Variants in ADAMTS3 observed in about 807,000 individuals in gnomAD.
The protein encoded by ADAMTS3 is A disintegrin and metalloproteinase with thrombospondin motifs 3.
ADAMTS3 carries 73 observed loss-of-function variants against 129.0 expected under a neutral mutation model. The ratio of observed to expected loss-of-function variants is 0.57; its 90% CI spans 0.47 to 0.69. The LOEUF is 0.69. ADAMTS3 is among the 30% of genes least tolerant of loss of function. The pLI, the probability that ADAMTS3 is intolerant of heterozygous loss-of-function variation, is 0.00. For missense variants in ADAMTS3, 1,457 were observed against 1,514.5 expected (o/e 0.96, Z 0.63); for synonymous variants, 477 against 510.8 (o/e 0.93, Z 0.89).
rs72853040 is a variant in ADAMTS3 at position 72,494,967 on chromosome 4, G to A, written c.504+53511C>T. On this transcript the variant is annotated intron_variant, in intron 3 of 21. Transcript: ENST00000286657. ...GTCCTTAATGGAAAAGGTTGCTGGGGTCCTCTAGTTCTCCTTTTCCCTCAT... is the reference window on the plus strand; with the variant it reads ...GTCCTTAATGGAAAAGGTTGCTGGGATCCTCTAGTTCTCCTTTTCCCTCAT... 5.3e-3 allele frequency among the ~76,000 whole-genome samples: 811 copies of A among 152,260 alleles called. 12 individuals are homozygous for A. The highest frequency in any genetic ancestry group is 0.019 in the African/African-American group (772 of 41,538).
chr4:72,529,106 T>A (rs1720890958), intron 3 of ADAMTS3, among the ~76,000 whole-genome samples: 1 of 152,098 alleles, frequency 6.6e-6, no homozygotes, highest in Admixed American at 6.6e-5. Flanking sequence ...CCCTATTTAT[T>A]ATAAAAGTCC....
At chr4:72,442,907 C>A (rs969976727) in intron 3 of ADAMTS3, among the ~76,000 whole-genome samples, 1 of 149,706 alleles carries the variant, frequency 6.7e-6, no homozygotes, top group Non-Finnish European at 1.5e-5. Context: ...CTTTGACTCA[C>A]CCCCGAAAAT....
intron 4 of ADAMTS3, among the ~76,000 whole-genome samples, chr4:72,384,462 C>A (rs973043161): frequency 4.6e-5 from 7 of 152,064 alleles, no homozygotes; most frequent in African/African-American, 1.2e-4. Context: ...TACGAGTTAT[C>A]CTTGACTTCT....
chr4:72,463,111 C>T (rs1186101122), intron 3 of ADAMTS3, among the ~76,000 whole-genome samples: 5 of 151,866 alleles, frequency 3.3e-5, no homozygotes, highest in African/African-American at 1.2e-4. Flanking sequence ...TGTTTAGATA[C>T]ACAAAAACTT....
At chr4:72,558,829 A>G (rs1721832407) in intron 2 of ADAMTS3, among the ~76,000 whole-genome samples, 1 of 151,722 alleles carries the variant, frequency 6.6e-6, no homozygotes, top group Non-Finnish European at 1.5e-5. Context: ...CAGGTGAATC[A>G]AAGTACTGCA....
At chr4:72,383,993 C>T (rs556321709) in intron 4 of ADAMTS3, among the ~76,000 whole-genome samples, 1 of 151,394 alleles carries the variant, frequency 6.6e-6, no homozygotes, top group Non-Finnish European at 1.5e-5. Flanking sequence ...AAATACAATA[C>T]TGAATACTAA....
At chr4:72,408,167 TCAAA>T (rs1256632795) in intron 4 of ADAMTS3, among the ~76,000 whole-genome samples, 1 of 152,290 alleles carries the variant, frequency 6.6e-6, no homozygotes, top group Non-Finnish European at 1.5e-5. Context: ...TCATGTAAAC[TCAAA>T]CAATTTTCAA....
At chr4:72,435,061 T>A (rs1722787754) in intron 3 of ADAMTS3, among the ~76,000 whole-genome samples, 1 of 151,848 alleles carries the variant, frequency 6.6e-6, no homozygotes, top group Admixed American at 6.6e-5. Flanking sequence ...TCATGGCCAA[T>A]AGCACTGTAA....
chr4:72,308,732 T>C (rs1719152535), intron 15 of ADAMTS3, among the ~76,000 whole-genome samples: 1 of 151,952 alleles, frequency 6.6e-6, no homozygotes. Flanking sequence ...ATTTTGCCTA[T>C]TATTTGATGC....
At position 72,530,698 on chromosome 4, in the gene ADAMTS3, ATATAT is replaced by A. The variant is rs1489725025; in HGVS notation, c.504+17775_504+17779del. Among the ~76,000 whole-genome samples, 11 of 92,922 alleles carry A rather than the reference ATATAT, an allele frequency of 1.2e-4. No individual in the cohort carries two copies. In the East Asian group the frequency reaches 2.0e-3, roughly 17 times the overall value. The allele number at this position is 92,922 out of a possible 152,430, so 61.0% of individuals were successfully genotyped here. A position where few individuals can be genotyped will look rare whatever the true frequency, so the allele number is the denominator to read the frequency against. ...TAATATGTATAATATATATTGTATC[ATATAT>A]TATATATTATATATAATATTATACA... is the stretch of plus-strand genomic sequence containing the variant. On this transcript the variant is annotated intron_variant, in intron 3 of 21. Coordinates refer to ENST00000286657, the MANE Select transcript of ADAMTS3 (RefSeq NM_014243.3).
intron 3 of ADAMTS3, among the ~76,000 whole-genome samples, chr4:72,451,447 T>G (rs1427649324): frequency 2.6e-5 from 4 of 151,564 alleles, no homozygotes; most frequent in African/African-American, 7.2e-5. Context: ...CAAAAGAAAA[T>G]ACATAAAATC....
intron 3 of ADAMTS3, among the ~76,000 whole-genome samples, chr4:72,447,773 T>A (rs949187211): frequency 6.6e-6 from 1 of 151,680 alleles, no homozygotes; most frequent in Non-Finnish European, 1.5e-5. Context: ...GTGACCCAAA[T>A]GCAGAAACCA....
chr4:72,314,915 TTTC>T (rs1461082350), intron 11 of ADAMTS3, among the ~76,000 whole-genome samples: 1 of 152,206 alleles, frequency 6.6e-6, no homozygotes, highest in African/African-American at 2.4e-5. Flanking sequence ...CTGCCTACAA[TTTC>T]TTATTTCTAA....
At chr4:72,285,961 C>T (rs1032255932) in intron 21 of ADAMTS3, among the ~76,000 whole-genome samples, 1 of 152,034 alleles carries the variant, frequency 6.6e-6, no homozygotes, top group African/African-American at 2.4e-5. Flanking sequence ...GTTTGAGATT[C>T]TGATAGAAAG....
intron 4 of ADAMTS3, among the ~76,000 whole-genome samples, chr4:72,368,178 T>C (rs527505710): frequency 7.9e-5 from 12 of 152,294 alleles, no homozygotes; most frequent in African/African-American, 2.9e-4. Flanking sequence ...ATTTATGCCT[T>C]CGCTTAAGCT....
chr4:72,307,993 A>T (rs569025102), intron 15 of ADAMTS3, among the ~76,000 whole-genome samples: 4 of 152,000 alleles, frequency 2.6e-5, no homozygotes, highest in Non-Finnish European at 5.9e-5. Context: ...TATATTATAC[A>T]TAATATACAA....
At chr4:72,508,817 C>A (rs552698798) in intron 3 of ADAMTS3, among the ~76,000 whole-genome samples, 4 of 152,130 alleles carry the variant, frequency 2.6e-5, no homozygotes, top group Non-Finnish European at 5.9e-5. Flanking sequence ...AACATTTCAT[C>A]CAAGAGCTGT....
chr4:72,515,541 G>C (rs1720445283), intron 3 of ADAMTS3, among the ~76,000 whole-genome samples: 1 of 148,360 alleles, frequency 6.7e-6, no homozygotes, highest in African/African-American at 2.5e-5. Flanking sequence ...ACTGGTGTGA[G>C]ATGGTATCTC....
At chr4:72,472,407 T>C (rs149101273) in intron 3 of ADAMTS3, among the ~76,000 whole-genome samples, 254 of 152,280 alleles carry the variant, frequency 1.7e-3, no homozygotes, top group South Asian at 3.7e-3. Context: ...TGTAGGTTTA[T>C]ACAGTATATT....
Sources: gnomAD v4.1 joint callset for allele counts (sites outside exome capture counted in the v4.1 genomes callset) on GRCh38, gnomAD v4.1.1 for gene constraint, MANE v1.5 for transcripts, NCBI Gene and HGNC (gene_info 2026-07-23, HGNC 2026-07-21) for gene names.